TERF2: variants seen among roughly 807,000 people sequenced by gnomAD.
The protein encoded by TERF2 is telomeric repeat binding factor 2.
Under a neutral mutation model 56.1 loss-of-function variants are expected in TERF2, and 16 were observed. That is an observed-to-expected ratio of 0.29 (90% CI 0.19 to 0.43). The LOEUF is 0.43. Ranked by LOEUF, TERF2 falls within the 20% of genes least tolerant of loss-of-function variation. TERF2 has a pLI of 1.00. For synonymous variants in TERF2, 296 were observed against 282.1 expected (o/e 1.05, Z -0.50); for missense variants, 547 against 712.9 (o/e 0.77, Z 2.65).
intron 8 of TERF2, among the ~76,000 whole-genome samples, chr16:69,359,627 ATTTTTTTT>A (rs564611021): frequency 1.4e-5 from 1 of 72,576 alleles, no homozygotes; most frequent in Non-Finnish European, 2.6e-5. Flanking sequence ...ATCATTCCCA[ATTTTTTTT>A]TTTTTTTTTT....
At chr16:69,373,830 C>T (rs972038483) in intron 3 of TERF2, among the ~76,000 whole-genome samples, 3 of 152,162 alleles carry the variant, frequency 2.0e-5, no homozygotes, top group Non-Finnish European at 4.4e-5. Context: ...GATACCCCGT[C>T]TCAAAACAAA....
At position 69,384,693 on chromosome 16, in the gene TERF2, C is replaced by G; in HGVS notation, c.493G>C (p.Glu165Gln). Reference protein sequence around the residue: ...GENLDCSFDMEAELTPLESAI... With the variant: ...GENLDCSFDMQAELTPLESAI... ...GATTCCAGTGGTGTGAGCTCAGCCTCCATATCAAAGGAACAGTCTAGGACA... is the reference window on the plus strand; with the variant it reads ...GATTCCAGTGGTGTGAGCTCAGCCTGCATATCAAAGGAACAGTCTAGGACA... Residue 165 changes from glutamate (E) to glutamine (Q), a missense_variant, in exon 3 of 10, where the codon GAG (glutamate) becomes CAG (glutamine). Physicochemically the swap from Glu to Gln is conservative, Grantham distance 29. Coordinates refer to ENST00000254942, the MANE Select transcript of TERF2 (RefSeq NM_005652.5). 6.2e-7 allele frequency: 1 copy of G among 1,613,896 alleles called. No individual in the cohort carries two copies. Among genetic ancestry groups the G allele is most frequent in the South Asian group, 1.1e-5 (1 of 91,050 alleles).
At chr16:69,364,842 C>T (rs1039513868) in intron 7 of TERF2, 3 of 152,192 alleles carry the variant, frequency 2.0e-5, no homozygotes, top group African/African-American at 4.8e-5. Context: ...GGGACACTGA[C>T]CCTTTTTTTC....
chr16:69,371,713 G>C (rs2013583857), intron 4 of TERF2, among the ~76,000 whole-genome samples: 1 of 152,084 alleles, frequency 6.6e-6, no homozygotes, highest in South Asian at 2.1e-4. Flanking sequence ...TACTGGGGAG[G>C]ATGAGGTGGA....
At chr16:69,367,235 C>T in intron 6 of TERF2, 36 bp from the exon 7 acceptor site, 1 of 1,559,764 alleles carries the variant, frequency 6.4e-7, no homozygotes, top group Non-Finnish European at 8.7e-7. Context: ...ATGTTTTTCA[C>T]CACTGATGAT....
chr16:69,362,051 T>A (rs952069026), intron 7 of TERF2, among the ~76,000 whole-genome samples: 2 of 151,686 alleles, frequency 1.3e-5, no homozygotes, highest in Admixed American at 6.6e-5. Context: ...TAATGGCTTC[T>A]CTCTGCCTGA....
rs1354427071 is a variant in TERF2 at position 69,357,540 on chromosome 16, G to T, written c.1448C>A (p.Thr483Lys). ...QVQAAPDEDS[T>K]TNITKKQKWT... ...TACCTGCTTTTTTGTTATATTGGTT[G>T]TACTGTCTTCATCTGGTGCTGCTGG... Residue 483 changes from threonine to lysine, a missense_variant, in exon 9 of 10, where the codon ACA becomes AAA. By Grantham distance (78) the Thr-to-Lys change is moderately conservative (BLOSUM62 -1). This residue lies in a region of TERF2 where 211 missense variants were observed against 236.8 expected (regional missense o/e 0.89). Transcript: ENST00000254942. 2 of 1,613,532 alleles carry T rather than the reference G, an allele frequency of 1.2e-6. No individual in the cohort carries two copies. The highest frequency in any genetic ancestry group is 2.2e-5 in the South Asian group (2 of 90,926).
chr16:69,358,971 AC>A (rs1168721489), intron 8 of TERF2, among the ~76,000 whole-genome samples: 1 of 152,192 alleles, frequency 6.6e-6, no homozygotes, highest in African/African-American at 2.4e-5. Flanking sequence ...TGCAACTGTG[AC>A]ACAATGGTAA....
chr16:69,372,588 C>T (rs1224682238), intron 3 of TERF2, among the ~76,000 whole-genome samples: 1 of 152,086 alleles, frequency 6.6e-6, no homozygotes, highest in African/African-American at 2.4e-5. Context: ...CATGGAGAAA[C>T]CCCATCTCTA....
intron 4 of TERF2, among the ~76,000 whole-genome samples, chr16:69,371,847 A>G (rs1021395166): frequency 6.6e-6 from 1 of 152,090 alleles, no homozygotes; most frequent in Non-Finnish European, 1.5e-5. Flanking sequence ...AATAAAAAGG[A>G]AGAAGAAAAA....
Position 69,362,555 on chromosome 16 carries a change from C to T in TERF2, c.1341-1066G>A, listed in dbSNP as rs7202756. On this transcript the variant is annotated intron_variant, in intron 7 of 9. Coordinates refer to ENST00000254942, the MANE Select transcript of TERF2 (RefSeq NM_005652.5). ...TCAGAGAGCCACAAGGGAGTTATAC[C>T]ATCAAAGATTAGAGTAAAAAGCAAA... is the stretch of plus-strand genomic sequence containing the variant. Among the ~76,000 whole-genome samples the T allele has an allele frequency of 4.7e-3, 713 of 152,270 alleles. 9 individuals carry two copies. Among genetic ancestry groups the T allele is most frequent in the African/African-American group, 0.016 (670 of 41,542 alleles).
At chr16:69,371,225 GCAGTGGCTCA>G (rs2013561297) in intron 4 of TERF2, among the ~76,000 whole-genome samples, 1 of 152,228 alleles carries the variant, frequency 6.6e-6, no homozygotes, top group Admixed American at 6.5e-5. Context: ...GAGGCCAGGT[GCAGTGGCTCA>G]CACCTGTAAT....
chr16:69,359,898 C>T (rs1164730744), intron 8 of TERF2, among the ~76,000 whole-genome samples: 2 of 151,802 alleles, frequency 1.3e-5, no homozygotes, highest in South Asian at 2.1e-4. Flanking sequence ...GGATTACAGG[C>T]GTGAGCCACC....
intron 3 of TERF2, among the ~76,000 whole-genome samples, chr16:69,373,003 A>G (rs543093313): frequency 4.0e-4 from 61 of 152,250 alleles, no homozygotes; most frequent in African/African-American, 1.4e-3. Context: ...AGAACAATTG[A>G]TTCTGTTCTT....
chr16:69,368,452 C>A lies in TERF2; in HGVS notation c.871G>T (p.Ala291Ser), dbSNP rs913202196. 1 of 1,614,060 alleles carries A rather than the reference C, an allele frequency of 6.2e-7. No homozygotes were observed. Among genetic ancestry groups the A allele is most frequent in the Non-Finnish European group, 8.5e-7 (1 of 1,180,014 alleles). The change falls in exon 6 of 10, where the codon GCT becomes TCT. Residue 291 changes from alanine (A) to serine (S), a missense_variant. Ala to Ser is a moderately conservative substitution (Grantham distance 99). Around this residue, in one of 6 missense-constraint regions of TERF2, gnomAD observed 97 missense variants for 157.0 expected, o/e 0.62. Coordinates refer to ENST00000254942, the MANE Select transcript of TERF2 (RefSeq NM_005652.5). ...TCTTCCTTCCCTGTACTTGAGGCAG[C>A]GGACTCAGATTTCAAAGCCTTTTTG... ...MAKKALKSES[A>S]ASSTGKEDKQ...
intron 4 of TERF2, among the ~76,000 whole-genome samples, chr16:69,371,327 C>T (rs184260502): frequency 1.7e-3 from 250 of 149,482 alleles, no homozygotes; most frequent in Non-Finnish European, 1.1e-3. Context: ...GTTAAAACCC[C>T]GTCTCTACTA....
chr16:69,368,633 T>A, intron 5 of TERF2, 151 bp from the exon 6 acceptor site: 1 of 1,529,012 alleles, frequency 6.5e-7, no homozygotes, highest in Non-Finnish European at 8.8e-7. Context: ...GGGAGAGAAC[T>A]TGTAAGACTT....
At chr16:69,374,940 G>C (rs909032803) in intron 3 of TERF2, among the ~76,000 whole-genome samples, 2 of 152,132 alleles carry the variant, frequency 1.3e-5, no homozygotes, top group Non-Finnish European at 2.9e-5. Context: ...ACTCCAGCCT[G>C]GGCAACAGAG....
intron 8 of TERF2, 85 bp from the exon 9 acceptor site, chr16:69,357,646 G>A: frequency 1.3e-6 from 2 of 1,501,280 alleles, no homozygotes; most frequent in East Asian, 2.3e-5. Context: ...TGTCCCCAAA[G>A]GGAAAACTTC....
Sources: gnomAD v4.1 joint callset for allele counts (sites outside exome capture counted in the v4.1 genomes callset) on GRCh38, gnomAD v4.1.1 for gene constraint, gnomAD v4.1.1 regional missense constraint, MANE v1.5 for transcripts, NCBI Gene and HGNC (gene_info 2026-07-23, HGNC 2026-07-21) for gene names.